GRIA4: variants seen among roughly 807,000 people sequenced by gnomAD.
The protein encoded by GRIA4 is glutamate receptor 4.
In GRIA4, 34 loss-of-function variants were observed where a neutral mutation model predicts 104.0. The ratio of observed to expected loss-of-function variants is 0.33; its 90% CI spans 0.25 to 0.44. The LOEUF is 0.44. Among genes scored for constraint, GRIA4 ranks in the 20% least tolerant of loss-of-function variants. GRIA4 has a pLI of 1.00. For synonymous variants in GRIA4, 386 were observed against 381.9 expected (o/e 1.01, Z -0.13); for missense variants, 750 against 1,096.5 (o/e 0.68, Z 4.46).
chr11:105,882,781 G>C (rs779471134), intron 5 of GRIA4, among the ~76,000 whole-genome samples: 3 of 152,040 alleles, frequency 2.0e-5, no homozygotes, highest in Non-Finnish European at 1.5e-5. Context: ...AGCCTTAATC[G>C]TATAGGTAGG....
rs868173702 is a variant in GRIA4, at chr11:105,794,510, T to C, written c.487+41290T>C. Reference sequence around the variant, plus strand: ...ATATATATATATATATATATATATATATACATATACACACACACACATATC... The same window carrying C: ...ATATATATATATATATATATATATACATACATATACACACACACACATATC... On this transcript the variant is annotated intron_variant, in intron 4 of 16. Coordinates refer to ENST00000282499, the MANE Select transcript of GRIA4 (RefSeq NM_000829.4). Among the ~76,000 whole-genome samples the C allele has an allele frequency of 5.6e-3, 682 of 121,642 alleles. 31 individuals are homozygous for C. The highest frequency in any genetic ancestry group is 0.017 in the African/African-American group (536 of 30,720). The allele number at this position is 121,642 out of a possible 152,430, so 79.8% of individuals were successfully genotyped here. A position where few individuals can be genotyped will look rare whatever the true frequency, so the allele number is the denominator to read the frequency against.
intron 4 of GRIA4, among the ~76,000 whole-genome samples, chr11:105,809,452 G>A (rs1296679817): frequency 6.6e-6 from 1 of 152,020 alleles, no homozygotes; most frequent in African/African-American, 2.4e-5. Flanking sequence ...ATATGGTTTG[G>A]CTCTGTGTCC....
At chr11:105,705,513 A>G (rs1489033846) in intron 3 of GRIA4, among the ~76,000 whole-genome samples, 8 of 152,166 alleles carry the variant, frequency 5.3e-5, no homozygotes, top group Non-Finnish European at 1.2e-4. Context: ...TGTGTAACAC[A>G]AAGGAGTAAT....
At chr11:105,738,120 A>T (rs1939071688) in intron 3 of GRIA4, among the ~76,000 whole-genome samples, 1 of 151,502 alleles carries the variant, frequency 6.6e-6, no homozygotes, top group African/African-American at 2.4e-5. Flanking sequence ...GGTCTCAAGT[A>T]CAGAGCAGGC....
intron 4 of GRIA4, among the ~76,000 whole-genome samples, chr11:105,765,248 CAG>C (rs367915569): frequency 2.6e-5 from 4 of 152,138 alleles, no homozygotes; most frequent in Admixed American, 6.5e-5. Flanking sequence ...AAGAAATAAT[CAG>C]AGTTTTTCTT....
chr11:105,703,736 A>AAATCAT (rs1953590327), intron 3 of GRIA4, among the ~76,000 whole-genome samples: 1 of 152,106 alleles, frequency 6.6e-6, no homozygotes, highest in Admixed American at 6.6e-5. Flanking sequence ...TTTTATTTTT[A>AAATCAT]ATTTGCTAAA....
chr11:105,932,877 G>T (rs939039873), intron 13 of GRIA4, among the ~76,000 whole-genome samples: 4 of 151,970 alleles, frequency 2.6e-5, no homozygotes, highest in African/African-American at 7.2e-5. Flanking sequence ...ACTTGATATG[G>T]ACTGTATTTT....
intron 3 of GRIA4, among the ~76,000 whole-genome samples, chr11:105,638,672 A>C (rs1188454287): frequency 6.6e-6 from 1 of 151,554 alleles, no homozygotes; most frequent in Non-Finnish European, 1.5e-5. Flanking sequence ...TTCTCCATTT[A>C]CTCTATTTCA....
chr11:105,925,817 G>C (rs907708551), intron 12 of GRIA4, among the ~76,000 whole-genome samples: 1 of 152,156 alleles, frequency 6.6e-6, no homozygotes, highest in Non-Finnish European at 1.5e-5. Context: ...CTTTGGAAAT[G>C]CTATGAAAAA....
chr11:105,872,851 A>T (rs1484708946), intron 5 of GRIA4, among the ~76,000 whole-genome samples: 3 of 152,124 alleles, frequency 2.0e-5, no homozygotes, highest in Non-Finnish European at 2.9e-5. Context: ...AATTTTTTGT[A>T]TATAAATGAA....
chr11:105,947,152 A>G (rs1048632369), intron 14 of GRIA4, among the ~76,000 whole-genome samples: 2 of 152,230 alleles, frequency 1.3e-5, no homozygotes, highest in African/African-American at 4.8e-5. Context: ...ATATATTATA[A>G]TGGTCATCAA....
At chr11:105,767,486 T>G (rs1941002864) in intron 4 of GRIA4, among the ~76,000 whole-genome samples, 1 of 152,304 alleles carries the variant, frequency 6.6e-6, no homozygotes, top group South Asian at 2.1e-4. Flanking sequence ...CAGTATGTTT[T>G]GATGACCCCT....
chr11:105,957,608 C>G (rs1425131151), intron 14 of GRIA4, among the ~76,000 whole-genome samples: 6 of 152,196 alleles, frequency 3.9e-5, no homozygotes, highest in Middle Eastern at 3.4e-3. Context: ...ATTTTTGGTT[C>G]CATATGAACT....
chr11:105,767,139 G>T (rs1266593979), intron 4 of GRIA4, among the ~76,000 whole-genome samples: 1 of 152,094 alleles, frequency 6.6e-6, no homozygotes, highest in Non-Finnish European at 1.5e-5. Context: ...TTTGATAAGT[G>T]AATTTAAAAA....
At chr11:105,967,565 C>T (rs888503489) in intron 14 of GRIA4, among the ~76,000 whole-genome samples, 7 of 152,216 alleles carry the variant, frequency 4.6e-5, no homozygotes, top group African/African-American at 1.7e-4. Context: ...ACATGAACTA[C>T]AAAATGTTTT....
intron 3 of GRIA4, among the ~76,000 whole-genome samples, chr11:105,716,673 A>G (rs1414202715): frequency 6.6e-6 from 1 of 152,138 alleles, no homozygotes; most frequent in African/African-American, 2.4e-5. Context: ...AATTCCCTAG[A>G]GAAGAATAGT....
intron 10 of GRIA4, among the ~76,000 whole-genome samples, chr11:105,915,268 G>A (rs936048446): frequency 6.6e-6 from 1 of 152,068 alleles, no homozygotes; most frequent in African/African-American, 2.4e-5. Flanking sequence ...TTATGCCCCT[G>A]GATAGGCAAA....
intron 4 of GRIA4, among the ~76,000 whole-genome samples, chr11:105,852,592 T>G (rs188087458): frequency 1.3e-5 from 2 of 152,280 alleles, no homozygotes; most frequent in African/African-American, 4.8e-5. Flanking sequence ...CACTCTGTAT[T>G]TAGATAATCA....
intron 4 of GRIA4, among the ~76,000 whole-genome samples, chr11:105,773,524 G>C (rs1035355643): frequency 6.6e-6 from 1 of 151,964 alleles, no homozygotes; most frequent in East Asian, 1.9e-4. Context: ...GTTTATACAG[G>C]AGTATCATTA....
Sources: allele counts gnomAD v4.1 joint callset (sites outside exome capture counted in the v4.1 genomes callset), GRCh38; gene constraint gnomAD v4.1.1; transcripts MANE v1.5; gene names NCBI Gene and HGNC (gene_info 2026-07-23, HGNC 2026-07-21).